Variants in NTM observed in about 807,000 individuals in gnomAD.
NTM encodes neurotrimin.
In NTM, 13 loss-of-function variants were observed where a neutral mutation model predicts 42.1. The observed-to-expected ratio is 0.31, with a 90% CI of 0.20 to 0.49. NTM has a LOEUF of 0.49. NTM is among the 20% of genes least tolerant of loss of function. The pLI, the probability that NTM is intolerant of heterozygous loss-of-function variation, is 0.99. For synonymous variants in NTM, 187 were observed against 179.2 expected (o/e 1.04, Z -0.35); for missense variants, 373 against 452.8 (o/e 0.82, Z 1.60).
intron 3 of NTM, among the ~76,000 whole-genome samples, chr11:132,169,787 G>T (rs1483321959): frequency 6.6e-6 from 1 of 152,166 alleles, no homozygotes; most frequent in Non-Finnish European, 1.5e-5. Context: ...CAGGACTGGG[G>T]TATGTTGCTG....
intron 1 of NTM, among the ~76,000 whole-genome samples, chr11:131,613,058 G>A (rs2061593473): frequency 6.6e-6 from 1 of 152,214 alleles, no homozygotes; most frequent in Non-Finnish European, 1.5e-5. Flanking sequence ...ACTTCCGTGT[G>A]CCTCCCTGGT....
chr11:131,723,319 G>GT (rs2135416272), intron 1 of NTM, among the ~76,000 whole-genome samples: 1 of 152,370 alleles, frequency 6.6e-6, no homozygotes, highest in Non-Finnish European at 1.5e-5. Context: ...GGATGGGAGA[G>GT]TGTAGAGCCA....
intron 1 of NTM, among the ~76,000 whole-genome samples, chr11:131,757,169 G>A (rs1180482234): frequency 6.6e-6 from 1 of 152,180 alleles, no homozygotes; most frequent in African/African-American, 2.4e-5. Context: ...CCACCCAATA[G>A]GCCCAGTGCA....
At chr11:131,934,177 TAAATG>T (rs991256503) in intron 2 of NTM, among the ~76,000 whole-genome samples, 9 of 152,324 alleles carry the variant, frequency 5.9e-5, no homozygotes, top group Non-Finnish European at 1.3e-4. Context: ...ACTCCATACA[TAAATG>T]AAGGAAGCAT....
chr11:131,843,438 TC>T (rs1399219342), intron 1 of NTM, among the ~76,000 whole-genome samples: 1 of 152,192 alleles, frequency 6.6e-6, no homozygotes, highest in Admixed American at 6.5e-5. Context: ...TTTGATTTAT[TC>T]CTCTTAAATA....
chr11:131,861,037 T>C (rs1426828123), intron 1 of NTM, among the ~76,000 whole-genome samples: 1 of 152,156 alleles, frequency 6.6e-6, no homozygotes, highest in Non-Finnish European at 1.5e-5. Context: ...CTTAGTCCCC[T>C]AGGATTTCTT....
chr11:131,972,913 A>T (rs1027290993), intron 2 of NTM, among the ~76,000 whole-genome samples: 1 of 152,184 alleles, frequency 6.6e-6, no homozygotes, highest in Non-Finnish European at 1.5e-5. Context: ...GCGATGTCTA[A>T]ATCACTTTGT....
At chr11:131,386,246 T>A (rs993203545) in intron 1 of NTM, among the ~76,000 whole-genome samples, 1 of 152,226 alleles carries the variant, frequency 6.6e-6, no homozygotes, top group African/African-American at 2.4e-5. Flanking sequence ...TGATTCCACT[T>A]TCACGAAGTA....
chr11:132,053,812 C>T (rs1026415204), intron 2 of NTM, among the ~76,000 whole-genome samples: 4 of 152,168 alleles, frequency 2.6e-5, no homozygotes, highest in Non-Finnish European at 5.9e-5. Context: ...TTTTTTTGTG[C>T]TGATTACCCT....
chr11:131,661,034 A>G (rs756620141), intron 1 of NTM: 2 of 1,304,536 alleles, frequency 1.5e-6, no homozygotes, highest in South Asian at 2.5e-5. Flanking sequence ...AAGAGGTGGA[A>G]ATGGAAGGGC....
chr11:131,748,624 C>A (rs2082110267), intron 1 of NTM, among the ~76,000 whole-genome samples: 1 of 152,174 alleles, frequency 6.6e-6, no homozygotes, highest in African/African-American at 2.4e-5. Context: ...GTATTCGTTT[C>A]CTATAAGAAG....
chr11:131,404,136 G>T (rs1294833202), intron 1 of NTM, among the ~76,000 whole-genome samples: 1 of 151,964 alleles, frequency 6.6e-6, no homozygotes, highest in Non-Finnish European at 1.5e-5. Flanking sequence ...TCTCGGTAAA[G>T]CTTCTTACAA....
In NTM at chr11:132,301,979, C is replaced by G. The variant is rs372711967; in HGVS notation, c.527-5710C>G. On this transcript the variant is annotated intron_variant, in intron 4 of 8. Transcript: ENST00000683400. ...TGATCACTGTGGGTATTATTATTTT[C>G]AGTTATAAAGATTTTTAATGCCCAA... 3.9e-5 allele frequency among the ~76,000 whole-genome samples: 6 copies of G among 152,274 alleles called. 1 individual carries two copies. Among genetic ancestry groups the G allele is most frequent in the African/African-American group, 1.4e-4 (6 of 41,548 alleles).
At chr11:131,916,412 CT>C (rs1476544645) in intron 2 of NTM, among the ~76,000 whole-genome samples, 1 of 152,180 alleles carries the variant, frequency 6.6e-6, no homozygotes, top group Non-Finnish European at 1.5e-5. Flanking sequence ...AGGCTGAACG[CT>C]GCATTCCATC....
intron 1 of NTM, among the ~76,000 whole-genome samples, chr11:131,623,028 C>G (rs557201243): frequency 6.6e-6 from 1 of 152,322 alleles, no homozygotes; most frequent in African/African-American, 2.4e-5. Flanking sequence ...TTATCTCAAA[C>G]GATCTCAGAA....
chr11:131,810,704 G>A (rs2092700094), intron 1 of NTM, among the ~76,000 whole-genome samples: 1 of 152,236 alleles, frequency 6.6e-6, no homozygotes, highest in African/African-American at 2.4e-5. Context: ...AGATGGTTTG[G>A]TCACTGTGCC....
intron 1 of NTM, among the ~76,000 whole-genome samples, chr11:131,414,593 G>A (rs976979440): frequency 6.6e-6 from 1 of 152,188 alleles, no homozygotes; most frequent in African/African-American, 2.4e-5. Context: ...ACTCTGTGAG[G>A]TTCTTTGGAT....
At chr11:131,501,090 T>C (rs2046766613) in intron 1 of NTM, among the ~76,000 whole-genome samples, 1 of 151,944 alleles carries the variant, frequency 6.6e-6, no homozygotes, top group African/African-American at 2.4e-5. Flanking sequence ...CAAATTCAGA[T>C]GGTCTGACTT....
chr11:131,922,638 G>A (rs58654082), intron 2 of NTM, among the ~76,000 whole-genome samples: 15,237 of 151,964 alleles, frequency 0.1, 1,018 homozygotes, highest in South Asian at 0.19. Context: ...CACTACCTCC[G>A]TGGGCAAAGC....
Sources: allele counts gnomAD v4.1 joint callset (sites outside exome capture counted in the v4.1 genomes callset), GRCh38; gene constraint gnomAD v4.1.1; transcripts MANE v1.5; gene names NCBI Gene and HGNC (gene_info 2026-07-23, HGNC 2026-07-21).